The following ANO6 variants were observed in gnomAD, a reference collection of about 807,000 sequenced individuals.
ANO6 encodes anoctamin 6, also known as anoctamin-6.
Under a neutral mutation model 117.5 loss-of-function variants are expected in ANO6, and 106 were observed. The ratio of observed to expected loss-of-function variants is 0.90; its 90% CI spans 0.77 to 1.06. The LOEUF is 1.06. Ranked by LOEUF, ANO6 falls within the 50% of genes least tolerant of loss-of-function variation. The pLI is 0.00. For synonymous variants in ANO6, 367 were observed against 385.1 expected (o/e 0.95, Z 0.55); for missense variants, 955 against 1,121.1 (o/e 0.85, Z 2.12).
downstream of ANO6, among the ~76,000 whole-genome samples, chr12:45,433,162 C>T (rs1024077792): frequency 2.6e-5 from 4 of 152,196 alleles, no homozygotes; most frequent in Non-Finnish European, 4.4e-5. Flanking sequence ...ATAGGATACC[C>T]GCTTCTAGTT....
chr12:45,218,390 C>CTTTTTTTTTTTTTTTT (rs76855973), intron 1 of ANO6, among the ~76,000 whole-genome samples: 7 of 110,100 alleles, frequency 6.4e-5, no homozygotes, highest in East Asian at 2.6e-4. Context: ...CTTTCTTTCT[C>CTTTTTTTTTTTTTTTT]TTTTTTTTTT....
intron 8 of ANO6, among the ~76,000 whole-genome samples, chr12:45,359,225 AGG>A: frequency 6.6e-6 from 1 of 152,308 alleles, no homozygotes; most frequent in Non-Finnish European, 1.5e-5. Flanking sequence ...TTCTGTTTCT[AGG>A]GATTTACCTA....
At chr12:45,269,804 G>C (rs894733503) in intron 1 of ANO6, among the ~76,000 whole-genome samples, 1 of 152,096 alleles carries the variant, frequency 6.6e-6, no homozygotes, top group African/African-American at 2.4e-5. Context: ...AAGATCCTTC[G>C]GTGGCCTTTG....
chr12:45,343,524 C>T (rs531138172), intron 3 of ANO6, among the ~76,000 whole-genome samples: 70 of 152,296 alleles, frequency 4.6e-4, no homozygotes, highest in African/African-American at 1.7e-3. Context: ...AATACTCCAT[C>T]CCTCTACTGT....
At position 45,388,268 on chromosome 12, in the gene ANO6, C is replaced by CGATGTACTCA. The variant is rs1942352938; in HGVS notation, c.1274_1283dup (p.His428GlnfsTer9). On this transcript the variant is annotated frameshift_variant, in exon 11 of 20. Coordinates refer to ENST00000320560, the MANE Select transcript of ANO6 (RefSeq NM_001025356.3). LOFTEE classifies it high-confidence loss of function. ...ACAAGCCCGACCAGAATACGAAGCA[C>CGATGTACTCA]GATGTACTCACGTAGTGATAAATGA... 1 of 1,613,948 alleles carries CGATGTACTCA rather than the reference C, an allele frequency of 6.2e-7. No individual in the cohort carries two copies. Among genetic ancestry groups the CGATGTACTCA allele is most frequent in the South Asian group, 1.1e-5 (1 of 91,078 alleles).
intron 2 of ANO6, among the ~76,000 whole-genome samples, chr12:45,320,447 C>T (rs1227752209): frequency 6.6e-6 from 1 of 152,086 alleles, no homozygotes; most frequent in South Asian, 2.1e-4. Flanking sequence ...GTTTCTTAAT[C>T]CTGAGTTCTA....
chr12:45,292,691 G>C, intron 1 of ANO6: 2 of 1,306,702 alleles, frequency 1.5e-6, no homozygotes, highest in Non-Finnish European at 2.0e-6. Flanking sequence ...TGTTGGGGCA[G>C]AGGAGGCTTG....
chr12:45,414,183 A>G (rs1943156646), intron 16 of ANO6, among the ~76,000 whole-genome samples: 1 of 151,926 alleles, frequency 6.6e-6, no homozygotes, highest in Admixed American at 6.6e-5. Context: ...CAGAAAACTC[A>G]ACTGTAACAT....
At chr12:45,250,475 G>A (rs942884170) in intron 1 of ANO6, among the ~76,000 whole-genome samples, 5 of 152,204 alleles carry the variant, frequency 3.3e-5, no homozygotes, top group Admixed American at 1.3e-4. Context: ...TCACTGCAGC[G>A]TCGAACTCCT....
At chr12:45,228,480 G>A (rs1421255898) in intron 1 of ANO6, among the ~76,000 whole-genome samples, 1 of 151,930 alleles carries the variant, frequency 6.6e-6, no homozygotes, top group Non-Finnish European at 1.5e-5. Flanking sequence ...TTGTGTCATT[G>A]TATAGTTGTA....
intron 1 of ANO6, among the ~76,000 whole-genome samples, chr12:45,281,321 A>AT (rs1327150620): frequency 3.9e-5 from 6 of 151,942 alleles, no homozygotes; most frequent in South Asian, 2.1e-4. Flanking sequence ...CATTGGTCTT[A>AT]TTTTTTCCCA....
chr12:45,249,144 T>C lies in ANO6; in HGVS notation c.70+32753T>C, dbSNP rs554646608. On this transcript the variant is annotated intron_variant, in intron 1 of 19. Coordinates refer to ENST00000320560, the MANE Select transcript of ANO6 (RefSeq NM_001025356.3). The stretch of plus-strand genomic sequence containing the variant: ...CTTTGAAAGATCTCATTATCCCAAC[T>C]GCTGTAATATCCTGGGCCTAGAATG... 1.8e-3 allele frequency among the ~76,000 whole-genome samples: 275 copies of C among 152,344 alleles called. 1 individual carries two copies. The highest frequency in any genetic ancestry group is 5.7e-3 in the African/African-American group (235 of 41,576).
At chr12:45,359,078 C>T (rs1941487605) in intron 8 of ANO6, among the ~76,000 whole-genome samples, 1 of 152,208 alleles carries the variant, frequency 6.6e-6, no homozygotes, top group South Asian at 2.1e-4. Flanking sequence ...GCCACTGTGC[C>T]CGGTCCTTAT....
chr12:45,349,247 G>A (rs762775442), intron 6 of ANO6, among the ~76,000 whole-genome samples: 10 of 152,016 alleles, frequency 6.6e-5, no homozygotes, highest in Non-Finnish European at 1.0e-4. Flanking sequence ...TCCTCATTTG[G>A]AATACGATTT....
At position 45,423,051 on chromosome 12, in the gene ANO6, A is replaced by C; in HGVS notation, c.2515A>C (p.Ile839Leu). The C allele has an allele frequency of 1.9e-6, 3 of 1,611,360 alleles. No homozygotes were observed. The highest frequency in any genetic ancestry group is 1.7e-4 in the Middle Eastern group (1 of 6,054). The part of the protein sequence containing the change: ...HVIAAKLAFI[I>L]VMEHVIYSVK... ...GATTGCAGCCAAGCTGGCTTTTATC[A>C]TTGTCATGGAGGTAGGAAAAGTATG... The change falls in exon 19 of 20, where the codon ATT becomes CTT. Residue 839 changes from isoleucine (I) to leucine (L), a missense_variant. By Grantham distance (5) the Ile-to-Leu change is conservative. Transcript: ENST00000320560.
intron 1 of ANO6, among the ~76,000 whole-genome samples, chr12:45,269,050 G>A (rs918520605): frequency 2.6e-5 from 4 of 152,126 alleles, no homozygotes; most frequent in Admixed American, 6.5e-5. Flanking sequence ...AGCTAACAGC[G>A]GCAGCCTTGA....
intron 1 of ANO6, among the ~76,000 whole-genome samples, chr12:45,275,374 T>G (rs1938522747): frequency 6.6e-6 from 1 of 152,124 alleles, no homozygotes; most frequent in Non-Finnish European, 1.5e-5. Context: ...CACACCTGGC[T>G]AATTTTTGTA....
intron 1 of ANO6, among the ~76,000 whole-genome samples, chr12:45,241,064 T>G (rs1947735301): frequency 6.6e-6 from 1 of 152,214 alleles, no homozygotes; most frequent in Non-Finnish European, 1.5e-5. Flanking sequence ...CTTTGTGGTG[T>G]TCTCTGTATT....
chr12:45,377,162 A>G (rs1186214727), intron 9 of ANO6, among the ~76,000 whole-genome samples: 1 of 149,222 alleles, frequency 6.7e-6, no homozygotes, highest in Non-Finnish European at 1.5e-5. Flanking sequence ...TTTTTTACCT[A>G]TAGCTTTTCT....
Sources: allele counts gnomAD v4.1 joint callset (sites outside exome capture counted in the v4.1 genomes callset), GRCh38; gene constraint gnomAD v4.1.1; transcripts MANE v1.5; gene names NCBI Gene and HGNC (gene_info 2026-07-23, HGNC 2026-07-21).